Variants in NEU4 observed in about 807,000 individuals in gnomAD.
NEU4 encodes the protein sialidase-4.
Under a neutral mutation model 9.9 loss-of-function variants are expected in NEU4, and 7 were observed. That is an observed-to-expected ratio of 0.71 (90% CI 0.40 to 1.33). The LOEUF is 1.33. NEU4 is among the 40% of genes most tolerant of loss of function. The pLI, the probability that NEU4 is intolerant of heterozygous loss-of-function variation, is 0.01. For synonymous variants in NEU4, 348 were observed against 316.9 expected, an observed-to-expected ratio of 1.10 and a Z score of -1.04; for missense variants, 717 against 712.6, an observed-to-expected ratio of 1.01 and a Z score of -0.07.
Position 241,816,366 on chromosome 2 carries a change from C to T in NEU4, c.773C>T (p.Thr258Ile). ...RVQALSTDEG[T>I]SFLPAERVAS... Reference sequence around the variant, plus strand: ...CAGGCGCTCAGCACTGACGAGGGCACCTCCTTCCTGCCCGCAGAGCGCGTG... The same window carrying T: ...CAGGCGCTCAGCACTGACGAGGGCATCTCCTTCCTGCCCGCAGAGCGCGTG... Residue 258 changes from threonine to isoleucine, a missense_variant, in exon 4 of 4, where the codon ACC (threonine) becomes ATC (isoleucine). By Grantham distance (89) the Thr-to-Ile change is moderately conservative (BLOSUM62 -1). Transcript: ENST00000407683. 1 of 1,591,248 alleles carries T rather than the reference C, an allele frequency of 6.3e-7. No homozygotes were observed. The highest frequency in any genetic ancestry group is 8.5e-7 in the Non-Finnish European group (1 of 1,172,026).
At chr2:241,810,351 C>T (rs1264666106) in intron 1 of NEU4, 3 of 148,028 alleles carry the variant, frequency 2.0e-5, no homozygotes, top group East Asian at 3.9e-4. Flanking sequence ...GGGGCCCACC[C>T]CTCCTGCTTC....
chr2:241,810,726 GCGGGGACAGGC>G (rs1700086882), intron 1 of NEU4: 5 of 158,546 alleles, frequency 3.2e-5, no homozygotes, highest in Admixed American at 6.9e-5. Context: ...CAGGAGTCCT[GCGGGGACAGGC>G]TGGGGGCAGG....
chr2:241,811,714 G>T, intron 1 of NEU4: 1 of 394,388 alleles, frequency 2.5e-6, no homozygotes, highest in Non-Finnish European at 4.5e-6. Context: ...CTGGCCCACA[G>T]GGTGGGTGTG....
chr2:241,811,323 G>A, intron 1 of NEU4: 1 of 1,348,486 alleles, frequency 7.4e-7, no homozygotes, highest in Non-Finnish European at 9.6e-7. Flanking sequence ...GCCACCGTGG[G>A]AGTGTCCAGG....
Position 241,813,214 on chromosome 2 carries a change from G to T in NEU4, c.-3-1268G>T, listed in dbSNP as rs535303604. 9.5e-4 allele frequency: 530 copies of T among 557,390 alleles called. 1 individual carries two copies. Among genetic ancestry groups the T allele is most frequent in the Admixed American group, 3.7e-3 (58 of 15,772 alleles). 34.5% of individuals were successfully genotyped at this position (557,390 alleles called of 1,614,324 possible). A position where few individuals can be genotyped will look rare whatever the true frequency, so the allele number is the denominator to read the frequency against. ...GTGTTGCGCCTTTACCCGGGTCTCT[G>T]TCAGTGGGTCCCGCCTGACCCGTGG... On this transcript the variant is annotated intron_variant, in intron 1 of 3. Transcript: ENST00000407683.
Position 241,816,102 on chromosome 2 carries a change from G to T in NEU4, c.509G>T (p.Gly170Val). The change falls in exon 4 of 4, where the codon GGC (glycine) becomes GTC (valine). Residue 170 changes from glycine to valine, a missense_variant. Transcript: ENST00000407683. Reference sequence around the variant, plus strand: ...GGCCACGGTGTGCAGCTGCCCTCAGGCCGCCTGCTGGTACCCGCCTACACC... The same window carrying T: ...GGCCACGGTGTGCAGCTGCCCTCAGTCCGCCTGCTGGTACCCGCCTACACC... ...GPGHGVQLPS[G>V]RLLVPAYTYR... 2 of 1,610,566 alleles carry T rather than the reference G, an allele frequency of 1.2e-6. No homozygotes were observed. Among genetic ancestry groups the T allele is most frequent in the Non-Finnish European group, 1.7e-6 (2 of 1,179,112 alleles).
chr2:241,814,274 G>T, intron 1 of NEU4: 1 of 621,358 alleles, frequency 1.6e-6, no homozygotes, highest in East Asian at 2.8e-5. Context: ...GGTGGAGTGG[G>T]TGCGAGGGAG....
chr2:241,814,793 G>T, intron 2 of NEU4, 99 bp from the exon 3 acceptor site: 1 of 1,539,428 alleles, frequency 6.5e-7, no homozygotes, highest in East Asian at 2.3e-5. Flanking sequence ...GCCCGAGGTA[G>T]AGATGAGCAA....
At chr2:241,811,204 T>C in intron 1 of NEU4, 1 of 1,236,166 alleles carries the variant, frequency 8.1e-7, no homozygotes, top group Non-Finnish European at 1.0e-6. Flanking sequence ...CACCCCAGTG[T>C]TGAGTGCCTT....
At chr2:241,809,353 G>T (rs1700041670) in intron 1 of NEU4, 79 bp downstream of exon 1, 3 of 812,172 alleles carry the variant, frequency 3.7e-6, no homozygotes, top group Admixed American at 4.9e-5. Flanking sequence ...AGAGTGTTGA[G>T]AACAGCCTGT....
chr2:241,814,762 G>C, intron 2 of NEU4, 77 bp downstream of exon 2: 1 of 1,505,156 alleles, frequency 6.6e-7, no homozygotes, highest in Non-Finnish European at 8.9e-7. Flanking sequence ...GATGGGGCGG[G>C]GGTGGCGGCG....
chr2:241,809,248 C>G lies in NEU4; in HGVS notation c.-30C>G. 1 of 1,289,018 alleles carries G rather than the reference C, an allele frequency of 7.8e-7. No individual in the cohort carries two copies. The highest frequency in any genetic ancestry group is 1.0e-6 in the Non-Finnish European group (1 of 988,574). 79.8% of individuals were successfully genotyped at this position (1,289,018 alleles called of 1,614,324 possible). On this transcript the variant is annotated 5_prime_UTR_variant, in exon 1 of 4. Transcript: ENST00000407683. ...GGGCACACCGTCCTTTTGTCTCTGC[C>G]TTTGAGGTTGGCGGGAACTGAAACT...
At chr2:241,812,178 G>A (rs1187605660) in intron 1 of NEU4, among the ~76,000 whole-genome samples, 1 of 151,334 alleles carries the variant, frequency 6.6e-6, no homozygotes, top group Non-Finnish European at 1.5e-5. Context: ...CACCCACACA[G>A]GATGGGCTGT....
intron 1 of NEU4, chr2:241,814,090 T>G: frequency 1.9e-6 from 1 of 523,512 alleles, no homozygotes; most frequent in South Asian, 1.6e-5. Context: ...ATTGTCCACA[T>G]GACCTCCTGC....
At chr2:241,815,685 T>A in intron 3 of NEU4, 6 of 500,442 alleles carry the variant, frequency 1.2e-5, no homozygotes, top group East Asian at 4.5e-5. Context: ...CACCCCATCC[T>A]CTGTGGCCAC....
At chr2:241,813,196 G>C (rs1035860904) in intron 1 of NEU4, 1 of 377,946 alleles carries the variant, frequency 2.6e-6, no homozygotes, top group Non-Finnish European at 3.6e-6. Context: ...CGAGTGTTGC[G>C]CCTTTACCCG....
chr2:241,815,555 C>T (rs772696458), intron 3 of NEU4: 9 of 503,302 alleles, frequency 1.8e-5, no homozygotes, highest in Admixed American at 1.4e-4. Context: ...GAAGGCTGGA[C>T]GCTGAGGTGT....
At chr2:241,810,175 C>T (rs755363543) in intron 1 of NEU4, among the ~76,000 whole-genome samples, 1 of 152,168 alleles carries the variant, frequency 6.6e-6, no homozygotes, top group African/African-American at 2.4e-5. Flanking sequence ...GGACTGGGTC[C>T]GCCCCTCCTG....
chr2:241,816,162 T>A lies in NEU4; in HGVS notation c.569T>A (p.Ile190Asn), dbSNP rs753649077. 1 of 1,612,490 alleles carries A rather than the reference T, an allele frequency of 6.2e-7. No individual in the cohort carries two copies. The highest frequency in any genetic ancestry group is 8.5e-7 in the Non-Finnish European group (1 of 1,179,814). The change falls in exon 4 of 4, where the codon ATC (isoleucine) becomes AAC (asparagine). Residue 190 changes from isoleucine to asparagine, a missense_variant. By Grantham distance (149) the Ile-to-Asn change is moderately radical (BLOSUM62 -3). Transcript: ENST00000407683. The stretch of plus-strand genomic sequence containing the variant: ...GACCGCCGAGAGTGTTTTGGCAAGA[T>A]CTGCCGGACCAGCCCTCACTCCTTC... ...RVDRRECFGK[I>N]CRTSPHSFAF...
Sources: allele counts gnomAD v4.1 joint callset (sites outside exome capture counted in the v4.1 genomes callset), GRCh38; gene constraint gnomAD v4.1.1; transcripts MANE v1.5; gene names NCBI Gene and HGNC (gene_info 2026-07-23, HGNC 2026-07-21).